The following RPS6KA1 variants were observed in gnomAD, a reference collection of about 807,000 sequenced individuals.
RPS6KA1 encodes the protein ribosomal protein S6 kinase alpha-1.
RPS6KA1 carries 48 observed loss-of-function variants against 91.3 expected under a neutral mutation model. The observed-to-expected ratio is 0.53, with a 90% CI of 0.42 to 0.67. The LOEUF (loss-of-function observed/expected upper bound fraction) is 0.67, where lower values mean the gene tolerates loss of function less well. Among genes scored for constraint, RPS6KA1 ranks in the 30% least tolerant of loss-of-function variants. The pLI, the probability that RPS6KA1 is intolerant of heterozygous loss-of-function variation, is 0.00. For missense variants in RPS6KA1, 719 were observed against 960.5 expected, an observed-to-expected ratio of 0.75 and a Z score of 3.32; for synonymous variants, 359 against 384.7, an observed-to-expected ratio of 0.93 and a Z score of 0.78.
In RPS6KA1 at chr1:26,574,586, C is replaced by G; in HGVS notation, c.*385C>G. On this transcript the variant is annotated 3_prime_UTR_variant, in exon 22 of 22. Coordinates refer to ENST00000374168, the MANE Select transcript of RPS6KA1 (RefSeq NM_002953.4). The surrounding 1 kb of genome is among the most constrained non-coding windows in gnomAD (Gnocchi z 4.3). ...TTTAGAGCAGCTTTGGGATCCCACC[C>G]TGGGGACCCCCACGATTGGCCACCT... 1 of 402,848 alleles carries G rather than the reference C, an allele frequency of 2.5e-6. No homozygotes were observed. The highest frequency in any genetic ancestry group is 1.9e-5 in the South Asian group (1 of 53,110). The allele number at this position is 402,848 out of a possible 1,614,324, so 25.0% of individuals were successfully genotyped here. A position where few individuals can be genotyped will look rare whatever the true frequency, so the allele number is the denominator to read the frequency against.
chr1:26,564,947 C>T (rs2076186445), intron 17 of RPS6KA1, among the ~76,000 whole-genome samples: 1 of 152,206 alleles, frequency 6.6e-6, no homozygotes, highest in Non-Finnish European at 1.5e-5. Context: ...AGCCAGTGTA[C>T]CCGTGGGTCA....
rs556611050 is a variant in RPS6KA1, at chr1:26,572,092, G to T, written c.1830-84G>T. ...TCTACCTTGGGAGTACCCCATCTGA[G>T]GGGGAGACACAGTCTCCCACCGCAG... On this transcript the variant is annotated intron_variant, in intron 19 of 21. Transcript: ENST00000374168. 13 of 1,341,804 alleles carry T rather than the reference G, an allele frequency of 9.7e-6. No homozygotes were observed. The Admixed American group carries it at 1.9e-4, about 19-fold the overall frequency. 83.1% of individuals were successfully genotyped at this position (1,341,804 alleles called of 1,614,324 possible).
Position 26,561,470 on chromosome 1 carries a change from T to A in RPS6KA1, c.1432-35T>A. The A allele has an allele frequency of 1.2e-6, 2 of 1,613,814 alleles. No individual in the cohort carries two copies. Among genetic ancestry groups the A allele is most frequent in the Non-Finnish European group, 1.7e-6 (2 of 1,179,816 alleles). Reference sequence around the variant, plus strand: ...TGACCAGGGGGCTCAGGCCTGACACTGGGGAGAAGAGCCTGATGGTGAGGT... The same window carrying A: ...TGACCAGGGGGCTCAGGCCTGACACAGGGGAGAAGAGCCTGATGGTGAGGT... On this transcript the variant is annotated intron_variant, in intron 16 of 21. Coordinates refer to ENST00000374168, the MANE Select transcript of RPS6KA1 (RefSeq NM_002953.4). This position sits in a 1 kb window ranked among gnomAD's most constrained non-coding sequence, Gnocchi z 5.7.
chr1:26,560,650 C>T, intron 14 of RPS6KA1, 76 bp from the exon 15 acceptor site: 1 of 1,593,464 alleles, frequency 6.3e-7, no homozygotes, highest in Non-Finnish European at 8.6e-7. Context: ...TCTACTGAGC[C>T]AAGACCTTAG....
chr1:26,566,347 G>C (rs1348340601), intron 17 of RPS6KA1, among the ~76,000 whole-genome samples: 1 of 147,012 alleles, frequency 6.8e-6, no homozygotes, highest in Non-Finnish European at 1.5e-5. Flanking sequence ...GCAGTGGTGC[G>C]ATCTCGGCTC....
chr1:26,561,218 C>A lies in RPS6KA1; in HGVS notation c.1431+84C>A. 4.6e-6 allele frequency: 6 copies of A among 1,304,170 alleles called. No homozygotes were observed. Among genetic ancestry groups the A allele is most frequent in the Non-Finnish European group, 6.6e-6 (6 of 911,584 alleles). The allele number at this position is 1,304,170 out of a possible 1,614,324, so 80.8% of individuals were successfully genotyped here. A position where few individuals can be genotyped will look rare whatever the true frequency, so the allele number is the denominator to read the frequency against. The stretch of plus-strand genomic sequence containing the variant: ...CTCAGGATTGCCATTCCTTTGACTT[C>A]TCATCCTCTTTCCAGTGGTCATGTG... On this transcript the variant is annotated intron_variant, in intron 16 of 21. Transcript: ENST00000374168. The surrounding 1 kb of genome is among the most constrained non-coding windows in gnomAD (Gnocchi z 5.7).
rs2076052159 is a variant in RPS6KA1, at chr1:26,551,717, A to T, written c.462A>T (p.Ser154=). The change falls in exon 6 of 22, where the codon TCA becomes TCT. Residue 154 remains serine (S), a synonymous_variant. Transcript: ENST00000374168. The surrounding 1 kb of genome is among the most constrained non-coding windows in gnomAD (Gnocchi z 4.5). ...GTGGGGACCTCTTCACCCGGCTCTC[A>T]AAAGAGGTGAGCTGACATCTACTGC... is the stretch of plus-strand genomic sequence containing the variant. ...LRGGDLFTRL[S]KEVMFTEEDV... The T allele has an allele frequency of 6.2e-7, 1 of 1,613,852 alleles. No homozygotes were observed. The highest frequency in any genetic ancestry group is 1.1e-5 in the South Asian group (1 of 91,070).
intron 4 of RPS6KA1, among the ~76,000 whole-genome samples, chr1:26,550,122 G>A (rs1029739311): frequency 6.8e-6 from 1 of 147,410 alleles, no homozygotes. Flanking sequence ...CAGGTGATCC[G>A]CCTTCCTCAG....
intron 21 of RPS6KA1, 143 bp downstream of exon 21, chr1:26,573,504 G>C: frequency 1.0e-6 from 1 of 968,452 alleles, no homozygotes; most frequent in East Asian, 2.5e-5. Flanking sequence ...CAGCCCTGCC[G>C]TCAGGGAGCC....
Position 26,571,381 on chromosome 1 carries a change from C to T in RPS6KA1, c.1591-68C>T. 6.7e-7 allele frequency: 1 copy of T among 1,502,224 alleles called. No individual in the cohort carries two copies. Among genetic ancestry groups the T allele is most frequent in the South Asian group, 1.2e-5 (1 of 86,042 alleles). 93.1% of individuals were successfully genotyped at this position (1,502,224 alleles called of 1,614,324 possible). A position where few individuals can be genotyped will look rare whatever the true frequency, so the allele number is the denominator to read the frequency against. ...CCCTGTCTGTGTAGCTTTCTAATCTCTGGCCGCTGACCTGGGCCACTAGCC... is the reference window on the plus strand; with the variant it reads ...CCCTGTCTGTGTAGCTTTCTAATCTTTGGCCGCTGACCTGGGCCACTAGCC... On this transcript the variant is annotated intron_variant, in intron 17 of 21. Transcript: ENST00000374168. This position sits in a 1 kb window ranked among gnomAD's most constrained non-coding sequence, Gnocchi z 5.1.
At chr1:26,546,752 C>G (rs1356311578) in intron 2 of RPS6KA1, 115 bp from the exon 3 acceptor site, 5 of 730,544 alleles carry the variant, frequency 6.8e-6, no homozygotes, top group Non-Finnish European at 1.2e-5. Context: ...GGGAAGTCGT[C>G]TATTGGGCCT....
Position 26,558,791 on chromosome 1 carries a change from C to A in RPS6KA1, c.1085-16C>A. On this transcript the variant is annotated splice_polypyrimidine_tract_variant and intron_variant, in intron 13 of 21. Transcript: ENST00000374168. This position sits in a 1 kb window ranked among gnomAD's most constrained non-coding sequence, Gnocchi z 4.0. ...ACCTCCTCAGGTACCCTCACATTCT[C>A]CTTCCATCCGTACAGATTCCCCAGG... 3 of 1,594,042 alleles carry A rather than the reference C, an allele frequency of 1.9e-6. No homozygotes were observed. The highest frequency in any genetic ancestry group is 1.1e-5 in the South Asian group (1 of 90,290).
At position 26,571,816 on chromosome 1, in the gene RPS6KA1, C is replaced by A. The variant is rs769914728; in HGVS notation, c.1753-33C>A. 1.9e-6 allele frequency: 3 copies of A among 1,597,962 alleles called. No individual in the cohort carries two copies. The highest frequency in any genetic ancestry group is 2.2e-5 in the South Asian group (2 of 90,368). On this transcript the variant is annotated intron_variant, in intron 18 of 21. Coordinates refer to ENST00000374168, the MANE Select transcript of RPS6KA1 (RefSeq NM_002953.4). This position sits in a 1 kb window ranked among gnomAD's most constrained non-coding sequence, Gnocchi z 5.1. ...TCTGTGGCGACTTTCTACTGCCCCCCCAGACTGACCACCTCCCCTGCCCTG... is the reference window on the plus strand; with the variant it reads ...TCTGTGGCGACTTTCTACTGCCCCCACAGACTGACCACCTCCCCTGCCCTG...
intron 17 of RPS6KA1, among the ~76,000 whole-genome samples, chr1:26,564,741 C>T (rs1353894008): frequency 6.6e-6 from 1 of 151,660 alleles, no homozygotes; most frequent in Non-Finnish European, 1.5e-5. Flanking sequence ...AAGAACTTTA[C>T]CTCTTAACCA....
chr1:26,531,003 C>A, intron 1 of RPS6KA1: 1 of 881,980 alleles, frequency 1.1e-6, no homozygotes, highest in Non-Finnish European at 1.5e-6. Context: ...CAGCTTGGGC[C>A]TGGAGCCCCT....
chr1:26,559,828 A>G (rs2076139049), intron 14 of RPS6KA1, among the ~76,000 whole-genome samples: 1 of 152,192 alleles, frequency 6.6e-6, no homozygotes, highest in African/African-American at 2.4e-5. Context: ...ACGGTGGCTC[A>G]TGCCTGTAAT....
At chr1:26,568,768 TA>T (rs956045540) in intron 17 of RPS6KA1, among the ~76,000 whole-genome samples, 3 of 151,556 alleles carry the variant, frequency 2.0e-5, no homozygotes, top group Admixed American at 6.6e-5. Context: ...TAAATTAATT[TA>T]AAAAAAAGGT....
rs1447550226 is a variant in RPS6KA1, at chr1:26,574,359, T to C, written c.*158T>C. ...ACACCCCTAATGAGGGTGTGAGAAG[T>C]GCCTTCTCCTTCCCCAGGATGGACT... On this transcript the variant is annotated 3_prime_UTR_variant, in exon 22 of 22. Transcript: ENST00000374168. The surrounding 1 kb of genome is among the most constrained non-coding windows in gnomAD (Gnocchi z 4.3). 1 of 877,174 alleles carries C rather than the reference T, an allele frequency of 1.1e-6. No individual in the cohort carries two copies. The highest frequency in any genetic ancestry group is 2.0e-6 in the Non-Finnish European group (1 of 509,990). The allele number at this position is 877,174 out of a possible 1,614,324, so 54.3% of individuals were successfully genotyped here.
In RPS6KA1 at chr1:26,571,668, C is replaced by G. The variant is rs1476131069; in HGVS notation, c.1752+58C>G. ...GAGGGGGAATTGGAGGCCTTGTGCC[C>G]CCTCCCAGAGGCCCCACATTAGCCG... On this transcript the variant is annotated intron_variant, in intron 18 of 21. Coordinates refer to ENST00000374168, the MANE Select transcript of RPS6KA1 (RefSeq NM_002953.4). This position sits in a 1 kb window ranked among gnomAD's most constrained non-coding sequence, Gnocchi z 5.1. 1.3e-6 allele frequency: 2 copies of G among 1,581,908 alleles called. No homozygotes were observed. The highest frequency in any genetic ancestry group is 2.3e-5 in the East Asian group (1 of 43,706).
Sources: gnomAD v4.1 joint callset for allele counts (sites outside exome capture counted in the v4.1 genomes callset) on GRCh38, gnomAD v4.1.1 for gene constraint, Gnocchi (gnomAD v3.1) non-coding constraint, MANE v1.5 for transcripts, NCBI Gene and HGNC (gene_info 2026-07-23, HGNC 2026-07-21) for gene names.